Variants in FTCDNL1 observed in about 807,000 individuals in gnomAD.
FTCDNL1 encodes formiminotransferase N-terminal subdomain-containing protein.
In FTCDNL1, 11 loss-of-function variants were observed where a neutral mutation model predicts 5.9. The observed-to-expected ratio is 1.87, with a 90% CI of 1.18 to 3.10. The LOEUF is 3.10. Ranked by LOEUF, FTCDNL1 falls within the 30% of genes most tolerant of loss-of-function variation. FTCDNL1 has a pLI of 0.00. For missense variants in FTCDNL1, 115 were observed against 65.5 expected (o/e 1.76, Z -2.61); for synonymous variants, 58 against 24.8 (o/e 2.34, Z -3.99).
the FTCDNL1 span, among the ~76,000 whole-genome samples, chr2:199,733,944 A>AG: frequency 0.08 from 12,140 of 151,818 alleles, 996 homozygotes; most frequent in African/African-American, 0.18. Flanking sequence ...AATGGATTGA[A>AG]GGAAAAAAAA....
At chr2:199,837,322 A>G (rs1283962798) in intron 3 of FTCDNL1, among the ~76,000 whole-genome samples, 1 of 152,230 alleles carries the variant, frequency 6.6e-6, no homozygotes, top group East Asian at 1.9e-4. Flanking sequence ...TAATTCTTCA[A>G]CTAAATGCTA....
chr2:199,667,902 A>T, the FTCDNL1 span, among the ~76,000 whole-genome samples: 1 of 152,250 alleles, frequency 6.6e-6, no homozygotes, highest in African/African-American at 2.4e-5. Context: ...GAACTCAAGC[A>T]TCTGAAAAGG....
the FTCDNL1 span, among the ~76,000 whole-genome samples, chr2:199,684,579 G>T: frequency 6.6e-6 from 1 of 152,124 alleles, no homozygotes; most frequent in African/African-American, 2.4e-5. Context: ...CAGGCAATGG[G>T]GTGGGCCACA....
intron 4 of FTCDNL1, chr2:199,818,217 C>A (rs1701468905): frequency 6.6e-6 from 1 of 152,108 alleles, no homozygotes; most frequent in Non-Finnish European, 1.5e-5. Context: ...AAATTAGAAA[C>A]CAGGAAATGG....
chr2:199,839,301 A>T (rs1249067698), intron 3 of FTCDNL1, among the ~76,000 whole-genome samples: 1 of 152,232 alleles, frequency 6.6e-6, no homozygotes, highest in African/African-American at 2.4e-5. Flanking sequence ...AAGTAAAATA[A>T]AAGGAACATT....
the FTCDNL1 span, among the ~76,000 whole-genome samples, chr2:199,668,787 CAA>C: frequency 1.2e-4 from 18 of 151,964 alleles, no homozygotes; most frequent in African/African-American, 4.1e-4. Flanking sequence ...ACAAAAATTG[CAA>C]AGAGTAGAGA....
intron 3 of FTCDNL1, among the ~76,000 whole-genome samples, chr2:199,781,139 G>T (rs1005712376): frequency 4.6e-5 from 7 of 152,184 alleles, no homozygotes; most frequent in African/African-American, 1.7e-4. Flanking sequence ...GGTCCATCAT[G>T]TCTCTTACTC....
intron 3 of FTCDNL1, among the ~76,000 whole-genome samples, chr2:199,786,011 C>A (rs1194411365): frequency 6.6e-6 from 1 of 152,144 alleles, no homozygotes; most frequent in African/African-American, 2.4e-5. Flanking sequence ...AGTTCGTGCT[C>A]CTATTAGAAT....
chr2:199,808,542 T>C (rs1040904831), downstream of FTCDNL1, among the ~76,000 whole-genome samples: 2 of 152,192 alleles, frequency 1.3e-5, no homozygotes, highest in African/African-American at 2.4e-5. Flanking sequence ...TGACACACTG[T>C]ACCCATTAAA....
rs896006596 is a variant in FTCDNL1 at position 199,768,331 on chromosome 2, C to T, written c.212-7496G>A. Among the ~76,000 whole-genome samples, 7 of 152,064 alleles carry T rather than the reference C, an allele frequency of 4.6e-5. 1 individual carries two copies. Among genetic ancestry groups the T allele is most frequent in the African/African-American group, 7.2e-5 (3 of 41,398 alleles). On this transcript the variant is annotated intron_variant, in intron 3 of 3. Transcript: ENST00000416668. The stretch of plus-strand genomic sequence containing the variant: ...GCTTCTTATAAGAACACCACATATT[C>T]CCCCGTGAGTTATTACTAGATTAAA...
rs998024495 is a variant in FTCDNL1 at position 199,765,148 on chromosome 2, T to C, written c.212-4313A>G. On this transcript the variant is annotated intron_variant, in intron 3 of 3. Transcript: ENST00000416668. ...GATGATTTTTAGGTAAGTAAAACTA[T>C]TATGTAAGATACTATATTGGTGGCT... Among the ~76,000 whole-genome samples the C allele has an allele frequency of 5.3e-5, 8 of 152,302 alleles. No homozygotes were observed. In the South Asian group the frequency reaches 1.5e-3, roughly 28 times the overall value.
At chr2:199,849,407 A>G (rs2076817183) in intron 1 of FTCDNL1, among the ~76,000 whole-genome samples, 1 of 152,202 alleles carries the variant, frequency 6.6e-6, no homozygotes, top group Non-Finnish European at 1.5e-5. Context: ...TAATATGTGG[A>G]TTCTTATAAA....
At chr2:199,760,147 C>T (rs1013510086), downstream of FTCDNL1, among the ~76,000 whole-genome samples, 9 of 151,650 alleles carry the variant, frequency 5.9e-5, no homozygotes, top group African/African-American at 2.2e-4. Flanking sequence ...TCTGAATAAA[C>T]CAGAATTCTG....
the FTCDNL1 span, among the ~76,000 whole-genome samples, chr2:199,751,331 G>A: frequency 2.6e-5 from 4 of 152,186 alleles, no homozygotes; most frequent in African/African-American, 9.7e-5. Context: ...TATATCTTCA[G>A]AACCAGGGAC....
At chr2:199,778,712 A>G (rs1699212283) in intron 3 of FTCDNL1, among the ~76,000 whole-genome samples, 1 of 152,146 alleles carries the variant, frequency 6.6e-6, no homozygotes, top group Non-Finnish European at 1.5e-5. Context: ...GAAATTACAG[A>G]TTTTCTAATA....
the FTCDNL1 span, among the ~76,000 whole-genome samples, chr2:199,696,150 C>T: frequency 1.3e-5 from 2 of 152,192 alleles, no homozygotes; most frequent in East Asian, 3.9e-4. Flanking sequence ...TTTTCCAGGG[C>T]ACACACATGC....
chr2:199,684,103 AACT>A, the FTCDNL1 span, among the ~76,000 whole-genome samples: 1 of 152,228 alleles, frequency 6.6e-6, no homozygotes, highest in South Asian at 2.1e-4. Context: ...CAAAGAATTA[AACT>A]ACATTTACAC....
chr2:199,803,176 G>A (rs539565745), intron 3 of FTCDNL1, among the ~76,000 whole-genome samples: 28 of 140,000 alleles, frequency 2.0e-4, no homozygotes, highest in African/African-American at 7.1e-4. Context: ...CCTGGGTGAT[G>A]GAGGAATACC....
At position 199,819,717 on chromosome 2, in the gene FTCDNL1, G is replaced by A. The variant is rs986992705; in HGVS notation, c.252C>T (p.Ser84=). ...GGTCAGCTTCGCCAAAGAGAAACAC[G>A]CTGCAGCCAGGAACATGCAGCACCA... The part of the protein sequence containing the change: ...EDLVLHVPGC[S]VFLFGEADLP... The change falls in exon 4 of 5, where the codon AGC becomes AGT. Residue 84 remains serine, a synonymous_variant. Transcript: ENST00000420128. 1.4e-5 allele frequency: 10 copies of A among 702,140 alleles called. No homozygotes were observed. Among genetic ancestry groups the A allele is most frequent in the Non-Finnish European group, 2.6e-5 (10 of 384,796 alleles). 43.5% of individuals were successfully genotyped at this position (702,140 alleles called of 1,614,324 possible).
Sources: gnomAD v4.1 joint callset for allele counts (sites outside exome capture counted in the v4.1 genomes callset) on GRCh38, gnomAD v4.1.1 for gene constraint, MANE v1.5 for transcripts, NCBI Gene and HGNC (gene_info 2026-07-23, HGNC 2026-07-21) for gene names.